KCNH7: variants seen among roughly 807,000 people sequenced by gnomAD.
KCNH7 encodes potassium voltage-gated channel subfamily H member 7.
Under a neutral mutation model 120.8 loss-of-function variants are expected in KCNH7, and 49 were observed. The observed-to-expected ratio is 0.41, with a 90% CI of 0.32 to 0.51. The LOEUF (loss-of-function observed/expected upper bound fraction) is 0.51. Among genes scored for constraint, KCNH7 ranks in the 20% least tolerant of loss-of-function variants. The pLI, the probability that KCNH7 is intolerant of heterozygous loss-of-function variation, is 0.38. For missense variants in KCNH7, 1,097 were observed against 1,446.6 expected (o/e 0.76, Z 3.92); for synonymous variants, 547 against 516.1 (o/e 1.06, Z -0.81).
intron 6 of KCNH7, among the ~76,000 whole-genome samples, chr2:162,454,241 G>A (rs1371310634): frequency 6.6e-6 from 1 of 152,094 alleles, no homozygotes. Context: ...GGTCAGGTTT[G>A]TCGAATATCA....
Position 162,788,027 on chromosome 2 carries a change from C to T in KCNH7, c.307+48510G>A, listed in dbSNP as rs139105569. 4.2e-3 allele frequency among the ~76,000 whole-genome samples: 638 copies of T among 152,070 alleles called. 6 individuals carry two copies. Among genetic ancestry groups the T allele is most frequent in the African/African-American group, 7.7e-3 (320 of 41,466 alleles). ...CAATATGTAAAGAGTAGAGGAGGAC[C>T]CTAATTCTTCAAATGATAAGATACC... is the stretch of plus-strand genomic sequence containing the variant. On this transcript the variant is annotated intron_variant, in intron 2 of 15. Transcript: ENST00000332142.
chr2:162,548,465 T>C (rs553027213), intron 2 of KCNH7, among the ~76,000 whole-genome samples: 1 of 152,332 alleles, frequency 6.6e-6, no homozygotes, highest in East Asian at 1.9e-4. Context: ...GTCTTACACA[T>C]ATTAGGCTTC....
chr2:162,389,199 A>G (rs960399520), intron 12 of KCNH7, among the ~76,000 whole-genome samples: 7 of 151,772 alleles, frequency 4.6e-5, no homozygotes, highest in Non-Finnish European at 5.9e-5. Flanking sequence ...AAAATGGAGC[A>G]TATTGTGATA....
chr2:162,568,823 T>G (rs1232386664), intron 2 of KCNH7, among the ~76,000 whole-genome samples: 1 of 152,056 alleles, frequency 6.6e-6, no homozygotes, highest in African/African-American at 2.4e-5. Flanking sequence ...ATAACATAAA[T>G]GTATGACATA....
intron 6 of KCNH7, among the ~76,000 whole-genome samples, chr2:162,448,276 G>A (rs1332605767): frequency 3.3e-5 from 5 of 152,022 alleles, no homozygotes; most frequent in African/African-American, 1.2e-4. Context: ...ATTTTGGTCT[G>A]TACAAAAGGA....
intron 2 of KCNH7, among the ~76,000 whole-genome samples, chr2:162,671,352 A>G (rs1430196766): frequency 2.6e-5 from 4 of 151,746 alleles, no homozygotes; most frequent in South Asian, 4.2e-4. Context: ...GACTATATAT[A>G]CCATGGATTA....
intron 2 of KCNH7, among the ~76,000 whole-genome samples, chr2:162,695,099 T>C (rs1291581475): frequency 6.6e-6 from 1 of 152,146 alleles, no homozygotes; most frequent in East Asian, 1.9e-4. Context: ...CATTATTTTC[T>C]CAATTAGTGG....
chr2:162,554,231 G>A (rs1692781619), intron 2 of KCNH7, among the ~76,000 whole-genome samples: 3 of 152,178 alleles, frequency 2.0e-5, no homozygotes, highest in African/African-American at 4.8e-5. Context: ...TATTGGGCAT[G>A]TTTGACTCAT....
Position 162,486,825 on chromosome 2 carries a change from G to GA in KCNH7, c.1128+17617dup, listed in dbSNP as rs562922065. Among the ~76,000 whole-genome samples, 355 of 152,228 alleles carry GA rather than the reference G, an allele frequency of 2.3e-3. 5 individuals carry two copies. Among genetic ancestry groups the GA allele is most frequent in the African/African-American group, 8.0e-3 (331 of 41,564 alleles). On this transcript the variant is annotated intron_variant, in intron 6 of 15. Coordinates refer to ENST00000332142, the MANE Select transcript of KCNH7 (RefSeq NM_033272.4). Reference sequence around the variant, plus strand: ...CATAATTAAAAATGGGTTCTGTCATGAAAAAAGTTTGAGATATATTGGTAA... The same window carrying GA: ...CATAATTAAAAATGGGTTCTGTCATGAAAAAAAGTTTGAGATATATTGGTAA...
At chr2:162,815,238 A>G (rs1684878211) in intron 2 of KCNH7, among the ~76,000 whole-genome samples, 1 of 152,188 alleles carries the variant, frequency 6.6e-6, no homozygotes, top group Non-Finnish European at 1.5e-5. Flanking sequence ...TAGGAGGAAA[A>G]GAATTATTAA....
chr2:162,682,829 T>C (rs1473053371), intron 2 of KCNH7, among the ~76,000 whole-genome samples: 1 of 151,764 alleles, frequency 6.6e-6, no homozygotes, highest in Non-Finnish European at 1.5e-5. Flanking sequence ...TCACAACATT[T>C]ATATATAACC....
At chr2:162,520,319 A>G (rs1269169590) in intron 3 of KCNH7, among the ~76,000 whole-genome samples, 2 of 151,588 alleles carry the variant, frequency 1.3e-5, no homozygotes, top group African/African-American at 4.8e-5. Context: ...CCTCCTGAAT[A>G]TCTGTTTTCA....
At chr2:162,463,110 T>A (rs1026371253) in intron 6 of KCNH7, among the ~76,000 whole-genome samples, 9 of 151,966 alleles carry the variant, frequency 5.9e-5, no homozygotes, top group Non-Finnish European at 1.2e-4. Flanking sequence ...AGGAATCTAC[T>A]CAAGTCATTC....
intron 8 of KCNH7, among the ~76,000 whole-genome samples, chr2:162,428,639 A>G (rs1033974004): frequency 1.2e-4 from 18 of 151,910 alleles, no homozygotes; most frequent in Admixed American, 4.6e-4. Context: ...TGCAAACTAT[A>G]ATTATGAATT....
intron 2 of KCNH7, among the ~76,000 whole-genome samples, chr2:162,609,628 A>G (rs1682893874): frequency 6.6e-6 from 1 of 152,150 alleles, no homozygotes; most frequent in African/African-American, 2.4e-5. Context: ...TAGTTAAGGG[A>G]GAAAGTGCTA....
At chr2:162,779,963 G>A (rs1683414168) in intron 2 of KCNH7, among the ~76,000 whole-genome samples, 1 of 152,140 alleles carries the variant, frequency 6.6e-6, no homozygotes, top group Admixed American at 6.5e-5. Context: ...CTGCAATTGA[G>A]TTTTAACAAA....
At chr2:162,418,342 G>C (rs558071520) in intron 9 of KCNH7, among the ~76,000 whole-genome samples, 5 of 152,122 alleles carry the variant, frequency 3.3e-5, no homozygotes, top group Admixed American at 3.3e-4. Flanking sequence ...ATAGCTGTAT[G>C]ATATACATAT....
intron 6 of KCNH7, among the ~76,000 whole-genome samples, chr2:162,501,188 G>T (rs1020580507): frequency 1.3e-5 from 2 of 151,990 alleles, no homozygotes; most frequent in Non-Finnish European, 2.9e-5. Flanking sequence ...CCAGTTTCTG[G>T]TCTCAGCCTT....
intron 2 of KCNH7, among the ~76,000 whole-genome samples, chr2:162,680,751 C>A (rs1020906950): frequency 6.6e-6 from 1 of 151,708 alleles, no homozygotes; most frequent in Non-Finnish European, 1.5e-5. Context: ...ATCTTCTAAG[C>A]CTTCCTTTAC....
Sources: gnomAD v4.1 joint callset for allele counts (sites outside exome capture counted in the v4.1 genomes callset) on GRCh38, gnomAD v4.1.1 for gene constraint, MANE v1.5 for transcripts, NCBI Gene and HGNC (gene_info 2026-07-23, HGNC 2026-07-21) for gene names.